PROB1: variants seen among roughly 807,000 people sequenced by gnomAD.
PROB1 encodes the protein proline rich basic protein 1.
For synonymous variants in PROB1, 660 were observed against 699.3 expected (o/e 0.94, Z 0.89); for missense variants, 1,453 against 1,485.7 (o/e 0.98, Z 0.36).
In PROB1 at chr5:139,394,330, A is replaced by C; in HGVS notation, c.752T>G (p.Val251Gly). 1 of 1,455,368 alleles carries C rather than the reference A, an allele frequency of 6.9e-7. No homozygotes were observed. The highest frequency in any genetic ancestry group is 9.0e-7 in the Non-Finnish European group (1 of 1,107,670). 90.2% of individuals were successfully genotyped at this position (1,455,368 alleles called of 1,614,324 possible). Reference protein sequence around the residue: ...LGPLQAAAGFVQTALARKLSP... With the variant: ...LGPLQAAAGFGQTALARKLSP... Reference sequence around the variant, plus strand: ...CAGTTTTCTGGCCAACGCCGTCTGCACGAAGCCCGCGGCGGCCTGCAGGGG... The same window carrying C: ...CAGTTTTCTGGCCAACGCCGTCTGCCCGAAGCCCGCGGCGGCCTGCAGGGG... The change falls in exon 1 of 1, where the codon GTG (valine) becomes GGG (glycine). Residue 251 changes from valine (V) to glycine (G), a missense_variant. Physicochemically the swap from Val to Gly is moderately radical, Grantham distance 109. Coordinates refer to ENST00000434752, the MANE Select transcript of PROB1 (RefSeq NM_001161546.2).
rs553155136 is a variant in PROB1 at position 139,393,479 on chromosome 5, G to A, written c.1603C>T (p.Gln535Ter). 1.3e-6 allele frequency: 2 copies of A among 1,551,668 alleles called. No individual in the cohort carries two copies. The highest frequency in any genetic ancestry group is 2.0e-5 in the Admixed American group (1 of 51,006). ...MGPGSSIAFTQEAQNGLTQEE... is the reference protein window; with the variant it reads ...MGPGSSIAFT The stretch of plus-strand genomic sequence containing the variant: ...TGAGTTAACCCATTCTGAGCTTCCT[G>A]AGTAAATGCTATCGATGAGCCCGGC... The change falls in exon 1 of 1, where the codon CAG (glutamine) becomes TAG (stop). Residue 535 changes from glutamine (Q) to a stop codon, truncating the protein, a stop_gained. Transcript: ENST00000434752. LOFTEE classifies it low-confidence loss of function (END_TRUNC).
Position 139,392,738 on chromosome 5 carries a change from C to A in PROB1, c.2344G>T (p.Ala782Ser). 7.1e-7 allele frequency: 1 copy of A among 1,411,294 alleles called. No individual in the cohort carries two copies. Among genetic ancestry groups the A allele is most frequent in the Non-Finnish European group, 9.2e-7 (1 of 1,082,082 alleles). The allele number at this position is 1,411,294 out of a possible 1,614,324, so 87.4% of individuals were successfully genotyped here. ...GDGRTSPLGG[A>S]RSSSQRSPVG... ...GGGGAGCGCTGGGATGAGCTGCGGG[C>A]GCCGCCTAGAGGGCTGGTCCGACCG... Residue 782 changes from alanine to serine, a missense_variant, in exon 1 of 1, where the codon GCC (alanine) becomes TCC (serine). Transcript: ENST00000434752. This position sits in a 1 kb window ranked among gnomAD's most constrained non-coding sequence, Gnocchi z 5.8.
chr5:139,392,053 C>T lies in PROB1; in HGVS notation c.3029G>A (p.Gly1010Asp). ...GGGGCCTCACAGCGGGAACAATGAA[C>T]CCTTGCCGGGCTGGGTGGGACCTGA... Reference protein sequence around the residue: ...SSSGPTQPGKGSLFPL With the variant: ...SSSGPTQPGKDSLFPL The change falls in exon 1 of 1, where the codon GGT (glycine) becomes GAT (aspartate). Residue 1010 changes from glycine (G) to aspartate (D), a missense_variant. Coordinates refer to ENST00000434752, the MANE Select transcript of PROB1 (RefSeq NM_001161546.2). The surrounding 1 kb of genome is among the most constrained non-coding windows in gnomAD (Gnocchi z 5.8). The T allele has an allele frequency of 7.1e-7, 1 of 1,400,078 alleles. No individual in the cohort carries two copies. Among genetic ancestry groups the T allele is most frequent in the Non-Finnish European group, 9.3e-7 (1 of 1,074,570 alleles). 86.7% of individuals were successfully genotyped at this position (1,400,078 alleles called of 1,614,324 possible).
rs1442724413 is a variant in PROB1, at chr5:139,394,983, G to T, written c.99C>A (p.Ser33=). The T allele has an allele frequency of 6.6e-7, 1 of 1,506,672 alleles. No individual in the cohort carries two copies. Among genetic ancestry groups the T allele is most frequent in the South Asian group, 1.3e-5 (1 of 79,586 alleles). The allele number at this position is 1,506,672 out of a possible 1,614,324, so 93.3% of individuals were successfully genotyped here. A position where few individuals can be genotyped will look rare whatever the true frequency, so the allele number is the denominator to read the frequency against. The change falls in exon 1 of 1, where the codon TCC becomes TCA. Residue 33 remains serine (S), a synonymous_variant. Coordinates refer to ENST00000434752, the MANE Select transcript of PROB1 (RefSeq NM_001161546.2). Reference sequence around the variant, plus strand: ...CCGGAGAACCTGGAGCCGTGTAGTAGGAGCCTGACGAACCGGAGGAGTCCT... The same window carrying T: ...CCGGAGAACCTGGAGCCGTGTAGTATGAGCCTGACGAACCGGAGGAGTCCT... ...RRQDSSGSSG[S]YYTAPGSPEP...
rs1414258445 is a variant in PROB1 at position 139,393,350 on chromosome 5, T to C, written c.1732A>G (p.Ser578Gly). The C allele has an allele frequency of 6.4e-7, 1 of 1,551,270 alleles. No individual in the cohort carries two copies. The highest frequency in any genetic ancestry group is 8.7e-7 in the Non-Finnish European group (1 of 1,146,988). ...REISDLAFGG[S>G]QQSPEVAAPE... ...GCTGCTACCTCTGGGGACTGCTGAC[T>C]CCCTCCAAAGGCAAGATCTGAAATT... Residue 578 changes from serine to glycine, a missense_variant, in exon 1 of 1, where the codon AGT becomes GGT. Ser to Gly is a moderately conservative substitution (Grantham distance 56). Coordinates refer to ENST00000434752, the MANE Select transcript of PROB1 (RefSeq NM_001161546.2).
rs1758616968 is a variant in PROB1 at position 139,392,584 on chromosome 5, G to A, written c.2498C>T (p.Ala833Val). The change falls in exon 1 of 1, where the codon GCG (alanine) becomes GTG (valine). Residue 833 changes from alanine (A) to valine (V), a missense_variant. Coordinates refer to ENST00000434752, the MANE Select transcript of PROB1 (RefSeq NM_001161546.2). This position sits in a 1 kb window ranked among gnomAD's most constrained non-coding sequence, Gnocchi z 5.8. ...TAPEPAAAVQ[A>V]PLPREPLALA... The stretch of plus-strand genomic sequence containing the variant: ...CGCCAGGGGCTCCCGCGGGAGTGGC[G>A]CCTGGACGGCAGCCGCGGGCTCGGG... 2.2e-6 allele frequency: 3 copies of A among 1,363,796 alleles called. No homozygotes were observed. The highest frequency in any genetic ancestry group is 1.8e-5 in the South Asian group (1 of 54,616). 84.5% of individuals were successfully genotyped at this position (1,363,796 alleles called of 1,614,324 possible). A position where few individuals can be genotyped will look rare whatever the true frequency, so the allele number is the denominator to read the frequency against.
In PROB1 at chr5:139,393,814, C is replaced by T. The variant is rs867533578; in HGVS notation, c.1268G>A (p.Arg423Gln). The change falls in exon 1 of 1, where the codon CGG becomes CAG. Residue 423 changes from arginine (R) to glutamine (Q), a missense_variant. Physicochemically the swap from Arg to Gln is conservative, Grantham distance 43. Coordinates refer to ENST00000434752, the MANE Select transcript of PROB1 (RefSeq NM_001161546.2). ...QNLSPWDRTTRRVSSPLFPEA... is the reference protein window; with the variant it reads ...QNLSPWDRTTQRVSSPLFPEA... ...AGGGAACAATGGGCTACTCACCCTC[C>T]GAGTAGTCCGATCCCACGGGGACAG... is the stretch of plus-strand genomic sequence containing the variant. 6.4e-7 allele frequency: 1 copy of T among 1,551,312 alleles called. No individual in the cohort carries two copies. Among genetic ancestry groups the T allele is most frequent in the Non-Finnish European group, 8.7e-7 (1 of 1,146,984 alleles).
rs1180477444 is a variant in PROB1 at position 139,393,539 on chromosome 5, C to T, written c.1543G>A (p.Gly515Ser). Reference sequence around the variant, plus strand: ...TCCCATGTCTCTTGGGGAGATGGGCCCCAAGTTCCAATAGGACGATCTGGA... The same window carrying T: ...TCCCATGTCTCTTGGGGAGATGGGCTCCAAGTTCCAATAGGACGATCTGGA... ...EAPDRPIGTW[G>S]PSPQETWDPM... Residue 515 changes from glycine (G) to serine (S), a missense_variant, in exon 1 of 1, where the codon GGC (glycine) becomes AGC (serine). Physicochemically the swap from Gly to Ser is moderately conservative, Grantham distance 56. Coordinates refer to ENST00000434752, the MANE Select transcript of PROB1 (RefSeq NM_001161546.2). The T allele has an allele frequency of 1.3e-6, 2 of 1,551,210 alleles. No homozygotes were observed. The highest frequency in any genetic ancestry group is 8.7e-7 in the Non-Finnish European group (1 of 1,146,814).
Position 139,394,452 on chromosome 5 carries a change from G to T in PROB1, c.630C>A (p.Ile210=). The change falls in exon 1 of 1, where the codon ATC becomes ATA. Residue 210 remains isoleucine (I), a synonymous_variant. Transcript: ENST00000434752. The stretch of plus-strand genomic sequence containing the variant: ...GACTCTGGGGCCGGGGGCGCAGCTC[G>T]ATCTGACGCTTGGGCACTGTCCGGG... The part of the protein sequence containing the change: ...ARPRTVPKRQ[I]ELRPRPQSPP... The T allele has an allele frequency of 1.4e-6, 2 of 1,398,372 alleles. No homozygotes were observed. Among genetic ancestry groups the T allele is most frequent in the Non-Finnish European group, 1.8e-6 (2 of 1,084,980 alleles). 86.6% of individuals were successfully genotyped at this position (1,398,372 alleles called of 1,614,324 possible).
Position 139,394,271 on chromosome 5 carries a change from A to T in PROB1, c.811T>A (p.Phe271Ile). Residue 271 changes from phenylalanine to isoleucine, a missense_variant, in exon 1 of 1, where the codon TTC (phenylalanine) becomes ATC (isoleucine). Coordinates refer to ENST00000434752, the MANE Select transcript of PROB1 (RefSeq NM_001161546.2). ...GGTTCCGACCGCCCCGTGGACCCGA[A>T]GGTGGCGCTGCTCGGGGCCGGGGCC... ...PEAPAPSSAT[F>I]GSTGRSEPET... 4 of 1,542,530 alleles carry T rather than the reference A, an allele frequency of 2.6e-6. 1 individual carries two copies. The East Asian group carries it at 9.8e-5, about 38-fold the overall frequency.
In PROB1 at chr5:139,392,878, A is replaced by C; in HGVS notation, c.2204T>G (p.Leu735Arg). 1 of 1,544,694 alleles carries C rather than the reference A, an allele frequency of 6.5e-7. No individual in the cohort carries two copies. The highest frequency in any genetic ancestry group is 1.4e-5 in the African/African-American group (1 of 72,942). Reference protein sequence around the residue: ...AKPFKRTEIRLPGALALGRRP... With the variant: ...AKPFKRTEIRRPGALALGRRP... ...GCGACCCAAGGCCAGGGCCCCAGGC[A>C]GGCGGATCTCTGTGCGCTTGAAGGG... The change falls in exon 1 of 1, where the codon CTG (leucine) becomes CGG (arginine). Residue 735 changes from leucine to arginine, a missense_variant. By Grantham distance (102) the Leu-to-Arg change is moderately radical (BLOSUM62 -2). Transcript: ENST00000434752. This position sits in a 1 kb window ranked among gnomAD's most constrained non-coding sequence, Gnocchi z 5.8.
rs1212534001 is a variant in PROB1, at chr5:139,393,363, A to G, written c.1719T>C (p.Leu573=). The change falls in exon 1 of 1, where the codon CTT becomes CTC. Residue 573 remains leucine (L), a synonymous_variant. Coordinates refer to ENST00000434752, the MANE Select transcript of PROB1 (RefSeq NM_001161546.2). Reference sequence around the variant, plus strand: ...GGGACTGCTGACTCCCTCCAAAGGCAAGATCTGAAATTTCCCGCGTGGATG... The same window carrying G: ...GGGACTGCTGACTCCCTCCAAAGGCGAGATCTGAAATTTCCCGCGTGGATG... ...QSPSTREISD[L]AFGGSQQSPE... 1.3e-6 allele frequency: 2 copies of G among 1,551,382 alleles called. No homozygotes were observed. Among genetic ancestry groups the G allele is most frequent in the Middle Eastern group, 1.7e-4 (1 of 6,014 alleles).
chr5:139,394,499 C>T lies in PROB1; in HGVS notation c.583G>A (p.Glu195Lys), dbSNP rs929503861. The T allele has an allele frequency of 3.5e-5, 50 of 1,429,804 alleles. No homozygotes were observed. In the Admixed American group the frequency reaches 6.8e-4, roughly 20 times the overall value. 88.6% of individuals were successfully genotyped at this position (1,429,804 alleles called of 1,614,324 possible). A position where few individuals can be genotyped will look rare whatever the true frequency, so the allele number is the denominator to read the frequency against. The change falls in exon 1 of 1, where the codon GAG (glutamate) becomes AAG (lysine). Residue 195 changes from glutamate to lysine, a missense_variant. Coordinates refer to ENST00000434752, the MANE Select transcript of PROB1 (RefSeq NM_001161546.2). ...CGGGGCCTGGCGGGCGCGGCGCCCT[C>T]CTCCAGAGCCACCTCCACACACTCG... is the stretch of plus-strand genomic sequence containing the variant. ...QFECVEVALE[E>K]GAAPARPRTV... is the part of the protein sequence containing the mutation.
In PROB1 at chr5:139,394,839, C is replaced by T; in HGVS notation, c.243G>A (p.Arg81=). 1 of 1,531,482 alleles carries T rather than the reference C, an allele frequency of 6.5e-7. No individual in the cohort carries two copies. Among genetic ancestry groups the T allele is most frequent in the Non-Finnish European group, 8.8e-7 (1 of 1,139,020 alleles). 94.9% of individuals were successfully genotyped at this position (1,531,482 alleles called of 1,614,324 possible). Residue 81 remains arginine, a synonymous_variant, in exon 1 of 1, where the codon CGG becomes CGA. Transcript: ENST00000434752. The stretch of plus-strand genomic sequence containing the variant: ...GCGGGAAACCCGAGCCGGGCCCGTG[C>T]CGCTGGCGGCTATTCTGGGCGCTGA... The part of the protein sequence containing the change: ...LSVSAQNSRQ[R]HGPGSGFPRG...
Position 139,392,626 on chromosome 5 carries a change from T to G in PROB1, c.2456A>C (p.Lys819Thr), listed in dbSNP as rs1361099824. 3.3e-5 allele frequency: 45 copies of G among 1,380,128 alleles called. No homozygotes were observed. The highest frequency in any genetic ancestry group is 4.2e-5 in the Non-Finnish European group (45 of 1,069,402). 85.5% of individuals were successfully genotyped at this position (1,380,128 alleles called of 1,614,324 possible). The change falls in exon 1 of 1, where the codon AAG (lysine) becomes ACG (threonine). Residue 819 changes from lysine (K) to threonine (T), a missense_variant. Transcript: ENST00000434752. This position sits in a 1 kb window ranked among gnomAD's most constrained non-coding sequence, Gnocchi z 5.8. ...GGGCTCGGGGGCCGTAGGTGGTGTC[T>G]TCGGTTTGGGTGCTATCCCAGGGCT... ...SPSPGIAPKPKTPPTAPEPAA... is the reference protein window; with the variant it reads ...SPSPGIAPKPTTPPTAPEPAA...
chr5:139,394,158 G>T lies in PROB1; in HGVS notation c.924C>A (p.Pro308=). 6.5e-7 allele frequency: 1 copy of T among 1,546,038 alleles called. No homozygotes were observed. Among genetic ancestry groups the T allele is most frequent in the South Asian group, 1.2e-5 (1 of 83,812 alleles). ...TGGGCCACGGCCTCGGGGCCTTGGC[G>T]GGGGCCGAATTATCTCGTACGCGAA... ...RPLRVRDNSA[P]AKAPRPWPSL... The change falls in exon 1 of 1, where the codon CCC becomes CCA. Residue 308 remains proline, a synonymous_variant. Transcript: ENST00000434752.
At position 139,394,198 on chromosome 5, in the gene PROB1, G is replaced by T; in HGVS notation, c.884C>A (p.Ala295Asp). Residue 295 changes from alanine (A) to aspartate (D), a missense_variant, in exon 1 of 1, where the codon GCT (alanine) becomes GAT (aspartate). Transcript: ENST00000434752. ...ARSTHVVLEK[A>D]KSRPLRVRDN... The stretch of plus-strand genomic sequence containing the variant: ...TCGTACGCGAAGTGGCCGAGACTTA[G>T]CCTTCTCCAGGACCACGTGGGTGCT... 6.5e-7 allele frequency: 1 copy of T among 1,548,424 alleles called. No individual in the cohort carries two copies.
chr5:139,393,162 C>T lies in PROB1; in HGVS notation c.1920G>A (p.Pro640=), dbSNP rs142975911. 1 of 1,547,556 alleles carries T rather than the reference C, an allele frequency of 6.5e-7. No homozygotes were observed. The highest frequency in any genetic ancestry group is 1.4e-5 in the African/African-American group (1 of 73,142). The change falls in exon 1 of 1, where the codon CCG becomes CCA. Residue 640 remains proline (P), a synonymous_variant. Transcript: ENST00000434752. The part of the protein sequence containing the change: ...LVKTTYAPGF[P]AGAQGSGLPA... Reference sequence around the variant, plus strand: ...GCAGCCCAGAGCCTTGTGCTCCTGCCGGGAAGCCTGGCGCGTACGTGGTCT... The same window carrying T: ...GCAGCCCAGAGCCTTGTGCTCCTGCTGGGAAGCCTGGCGCGTACGTGGTCT...
At position 139,393,969 on chromosome 5, in the gene PROB1, C is replaced by T. The variant is rs757955665; in HGVS notation, c.1113G>A (p.Arg371=). 368 of 1,550,704 alleles carry T rather than the reference C, an allele frequency of 2.4e-4. 2 individuals are homozygous for T. The highest frequency in any genetic ancestry group is 3.0e-4 in the Non-Finnish European group (347 of 1,146,982). The change falls in exon 1 of 1, where the codon CGG becomes CGA. Residue 371 remains arginine (R), a synonymous_variant. Transcript: ENST00000434752. ...GGATCCTACACTCAAAAGGCGGACTCCGTGCCCTCTGAACAGTTCGATCCG... is the reference window on the plus strand; with the variant it reads ...GGATCCTACACTCAAAAGGCGGACTTCGTGCCCTCTGAACAGTTCGATCCG... ...EAPDRTVQRA[R]SPPFECRIPS...
Sources: allele counts gnomAD v4.1 joint callset, GRCh38; gene constraint gnomAD v4.1.1; non-coding constraint Gnocchi (gnomAD v3.1); transcripts MANE v1.5; gene names NCBI Gene and HGNC (gene_info 2026-07-23, HGNC 2026-07-21).